Variants in BCL11B observed in about 807,000 individuals in gnomAD.
BCL11B encodes B-cell lymphoma/leukemia 11B.
In BCL11B, 8 loss-of-function variants were observed where a neutral mutation model predicts 49.9. The observed-to-expected ratio is 0.16, with a 90% CI of 0.09 to 0.29. BCL11B has a LOEUF of 0.29. Among genes scored for constraint, BCL11B ranks in the 10% least tolerant of loss-of-function variants. The pLI, the probability that BCL11B is intolerant of heterozygous loss-of-function variation, is 1.00. For missense variants in BCL11B, 1,006 were observed against 1,351.0 expected (o/e 0.74, Z 4.00); for synonymous variants, 739 against 637.4 (o/e 1.16, Z -2.40).
rs923887517 is a variant in BCL11B, at chr14:99,248,412, C to T, written c.427+9059G>A. On this transcript the variant is annotated intron_variant, in intron 2 of 3. Transcript: ENST00000357195. The surrounding 1 kb of genome is among the most constrained non-coding windows in gnomAD (Gnocchi z 4.7). Reference sequence around the variant, plus strand: ...TCCCACTCCCTGTGTGCCCAGAGGTCACTGGCCGCCCCCAGCAGGCTCTGG... The same window carrying T: ...TCCCACTCCCTGTGTGCCCAGAGGTTACTGGCCGCCCCCAGCAGGCTCTGG... 2.6e-5 allele frequency among the ~76,000 whole-genome samples: 4 copies of T among 152,190 alleles called. No homozygotes were observed. Among genetic ancestry groups the T allele is most frequent in the African/African-American group, 9.7e-5 (4 of 41,444 alleles).
intron 3 of BCL11B, among the ~76,000 whole-genome samples, chr14:99,181,679 G>A (rs1237727187): frequency 6.6e-6 from 1 of 152,242 alleles, no homozygotes; most frequent in Non-Finnish European, 1.5e-5. Flanking sequence ...GAGAAGGGGA[G>A]ACGTTTCACA....
At position 99,192,524 on chromosome 14, in the gene BCL11B, C is replaced by T. The variant is rs979893582; in HGVS notation, c.641-16329G>A. ...AGCGCGCTACCTTTCACCTCGTCCTCGCCACACACACCCAGGCCCAGCCCC... is the reference window on the plus strand; with the variant it reads ...AGCGCGCTACCTTTCACCTCGTCCTTGCCACACACACCCAGGCCCAGCCCC... On this transcript the variant is annotated intron_variant, in intron 3 of 3. Transcript: ENST00000357195. This position sits in a 1 kb window ranked among gnomAD's most constrained non-coding sequence, Gnocchi z 4.0. Among the ~76,000 whole-genome samples, 4 of 152,194 alleles carry T rather than the reference C, an allele frequency of 2.6e-5. No homozygotes were observed. The highest frequency in any genetic ancestry group is 5.9e-5 in the Non-Finnish European group (4 of 68,046).
At chr14:99,236,747 C>T (rs536417059) in intron 2 of BCL11B, among the ~76,000 whole-genome samples, 19 of 152,098 alleles carry the variant, frequency 1.2e-4, no homozygotes, top group African/African-American at 2.4e-4. Context: ...GGGCCTGGCC[C>T]GGGGATCTTC....
intron 2 of BCL11B, among the ~76,000 whole-genome samples, chr14:99,250,523 G>A (rs1888977825): frequency 6.6e-6 from 1 of 152,136 alleles, no homozygotes; most frequent in African/African-American, 2.4e-5. Context: ...GTGACAGCCA[G>A]TCAGCCTTAT....
At chr14:99,255,568 C>T (rs1889138459) in intron 2 of BCL11B, among the ~76,000 whole-genome samples, 1 of 152,118 alleles carries the variant, frequency 6.6e-6, no homozygotes, top group African/African-American at 2.4e-5. Flanking sequence ...TTGGGAAATG[C>T]CTTCAATGTG....
rs754460321 is a variant in BCL11B at position 99,174,107 on chromosome 14, C to T, written c.*44G>A. 1.3e-6 allele frequency: 2 copies of T among 1,581,464 alleles called. No individual in the cohort carries two copies. The highest frequency in any genetic ancestry group is 1.7e-6 in the Non-Finnish European group (2 of 1,163,284). On this transcript the variant is annotated 3_prime_UTR_variant, in exon 4 of 4. Transcript: ENST00000357195. ...GTCAGGTCAGCATTCTCTCGGTTGGCAACGGTTCCACTGTACAGGTGCGGG... is the reference window on the plus strand; with the variant it reads ...GTCAGGTCAGCATTCTCTCGGTTGGTAACGGTTCCACTGTACAGGTGCGGG...
intron 1 of BCL11B, among the ~76,000 whole-genome samples, chr14:99,269,448 A>G (rs1477455342): frequency 6.6e-6 from 1 of 151,882 alleles, no homozygotes; most frequent in African/African-American, 2.4e-5. Flanking sequence ...AAAATAAAAG[A>G]GAAGTCCTCT....
chr14:99,185,486 C>A (rs1041012081), intron 3 of BCL11B, among the ~76,000 whole-genome samples: 3 of 151,604 alleles, frequency 2.0e-5, no homozygotes, highest in Non-Finnish European at 2.9e-5. Context: ...AATGTTCAAG[C>A]CAGACACAGA....
At chr14:99,263,308 T>C in intron 1 of BCL11B, 1 of 153,578 alleles carries the variant, frequency 6.5e-6, no homozygotes. Context: ...CTGCCCCTCC[T>C]CAGCTGAGGC....
In BCL11B at chr14:99,174,816, C is replaced by T; in HGVS notation, c.2020G>A (p.Ala674Thr). ...PFPGLFPRKP[A>T]PLPSPGLNSA... is the part of the protein sequence containing the mutation. ...TTGAGCCCGGGGCTGGGCAGCGGCG[C>T]GGGCTTGCGCGGGAAGAGCCCGGGG... Residue 674 changes from alanine (A) to threonine (T), a missense_variant, in exon 4 of 4, where the codon GCG (alanine) becomes ACG (threonine). Physicochemically the swap from Ala to Thr is moderately conservative, Grantham distance 58. This residue lies in a region of BCL11B where 443 missense variants were observed against 499.7 expected (regional missense o/e 0.89). Coordinates refer to ENST00000357195, the MANE Select transcript of BCL11B (RefSeq NM_138576.4). The T allele has an allele frequency of 5.8e-6, 8 of 1,383,270 alleles. No individual in the cohort carries two copies. Among genetic ancestry groups the T allele is most frequent in the Non-Finnish European group, 5.6e-6 (6 of 1,068,676 alleles). The allele number at this position is 1,383,270 out of a possible 1,614,324, so 85.7% of individuals were successfully genotyped here. A position where few individuals can be genotyped will look rare whatever the true frequency, so the allele number is the denominator to read the frequency against.
chr14:99,268,139 T>G (rs1212920887), intron 1 of BCL11B, among the ~76,000 whole-genome samples: 2 of 152,062 alleles, frequency 1.3e-5, no homozygotes, highest in Non-Finnish European at 2.9e-5. Flanking sequence ...GTCAAACATT[T>G]TGAAGCAAAC....
chr14:99,268,359 C>T (rs1889548292), intron 1 of BCL11B, among the ~76,000 whole-genome samples: 1 of 151,928 alleles, frequency 6.6e-6, no homozygotes, highest in African/African-American at 2.4e-5. Flanking sequence ...CAGTTATTTG[C>T]AGTTGCATCA....
chr14:99,239,839 G>C (rs1488635975), intron 2 of BCL11B, among the ~76,000 whole-genome samples: 2 of 152,182 alleles, frequency 1.3e-5, no homozygotes, highest in Non-Finnish European at 2.9e-5. Context: ...TACAGACAGT[G>C]CAATGGAATA....
rs1054128235 is a variant in BCL11B at position 99,205,651 on chromosome 14, C to G, written c.640+25694G>C. On this transcript the variant is annotated intron_variant, in intron 3 of 3. Coordinates refer to ENST00000357195, the MANE Select transcript of BCL11B (RefSeq NM_138576.4). This position sits in a 1 kb window ranked among gnomAD's most constrained non-coding sequence, Gnocchi z 5.0. The stretch of plus-strand genomic sequence containing the variant: ...TTGAAGCATCCGCCCCCCTACCCCC[C>G]AGCTTTGTGGAATGAGGTCAGGAAT... Among the ~76,000 whole-genome samples, 13 of 152,164 alleles carry G rather than the reference C, an allele frequency of 8.5e-5. No individual in the cohort carries two copies. The highest frequency in any genetic ancestry group is 2.6e-4 in the Admixed American group (4 of 15,280).
At chr14:99,255,427 A>C (rs916001011) in intron 2 of BCL11B, among the ~76,000 whole-genome samples, 13 of 149,852 alleles carry the variant, frequency 8.7e-5, no homozygotes, top group African/African-American at 2.7e-4. Flanking sequence ...AAAAAAAAAA[A>C]AAAAAAAACA....
chr14:99,178,400 C>A (rs1438165787), intron 3 of BCL11B, among the ~76,000 whole-genome samples: 1 of 152,194 alleles, frequency 6.6e-6, no homozygotes, highest in Non-Finnish European at 1.5e-5. Context: ...TGAAAGAGCC[C>A]CTGAGGGGAA....
Position 99,175,731 on chromosome 14 carries a change from C to G in BCL11B, c.1105G>C (p.Glu369Gln). ...GGCGTGGAGCTGTTGCCCGCCAGCT[C>G]GCGGAGCCGCCGCGAGAAGTCCATG... ...PAMDFSRRLR[E>Q]LAGNSSTPPP... Residue 369 changes from glutamate (E) to glutamine (Q), a missense_variant, in exon 4 of 4, where the codon GAG (glutamate) becomes CAG (glutamine). By Grantham distance (29) the Glu-to-Gln change is conservative. Transcript: ENST00000357195. 6.8e-7 allele frequency: 1 copy of G among 1,480,248 alleles called. No homozygotes were observed. The highest frequency in any genetic ancestry group is 8.8e-7 in the Non-Finnish European group (1 of 1,131,594). 91.7% of individuals were successfully genotyped at this position (1,480,248 alleles called of 1,614,324 possible).
intron 2 of BCL11B, among the ~76,000 whole-genome samples, chr14:99,253,250 G>A (rs1351472837): frequency 6.6e-6 from 1 of 152,196 alleles, no homozygotes; most frequent in Non-Finnish European, 1.5e-5. Flanking sequence ...TCCTCAGAGT[G>A]CACCGCCAGC....
rs1887056813 is a variant in BCL11B at position 99,192,342 on chromosome 14, G to A, written c.641-16147C>T. Reference sequence around the variant, plus strand: ...ACAGCCTGGGAACTGCAAAACCCCTGTAAGCCCAGCCCTTTAAATGGGGAA... The same window carrying A: ...ACAGCCTGGGAACTGCAAAACCCCTATAAGCCCAGCCCTTTAAATGGGGAA... On this transcript the variant is annotated intron_variant, in intron 3 of 3. Coordinates refer to ENST00000357195, the MANE Select transcript of BCL11B (RefSeq NM_138576.4). This position sits in a 1 kb window ranked among gnomAD's most constrained non-coding sequence, Gnocchi z 4.0. 6.6e-6 allele frequency among the ~76,000 whole-genome samples: 1 copy of A among 152,188 alleles called. No homozygotes were observed. The highest frequency in any genetic ancestry group is 1.5e-5 in the Non-Finnish European group (1 of 68,038).
Sources: allele counts gnomAD v4.1 joint callset (sites outside exome capture counted in the v4.1 genomes callset), GRCh38; gene constraint gnomAD v4.1.1; regional missense constraint gnomAD v4.1.1; non-coding constraint Gnocchi (gnomAD v3.1); transcripts MANE v1.5; gene names NCBI Gene and HGNC (gene_info 2026-07-23, HGNC 2026-07-21).